HERC4: variants seen among roughly 807,000 people sequenced by gnomAD.
HERC4 encodes HECT and RLD domain containing E3 ubiquitin protein ligase 4.
A neutral mutation model predicts 124.3 loss-of-function variants in HERC4; 28 were observed. That is an observed-to-expected ratio of 0.23 (90% confidence interval 0.17 to 0.31). The LOEUF (loss-of-function observed/expected upper bound fraction) is 0.31. Among genes scored for constraint, HERC4 ranks in the 10% least tolerant of loss-of-function variants. HERC4 has a pLI of 1.00. For missense variants in HERC4, 713 were observed against 1,229.3 expected, an observed-to-expected ratio of 0.58 and a Z score of 6.28; for synonymous variants, 407 against 421.5, an observed-to-expected ratio of 0.97 and a Z score of 0.42.
chr10:67,926,539 A>C (rs2030994240), intron 23 of HERC4, among the ~76,000 whole-genome samples: 1 of 152,154 alleles, frequency 6.6e-6, no homozygotes, highest in Non-Finnish European at 1.5e-5. Context: ...TCAGTTCTTC[A>C]GATGCGTCAG....
At chr10:68,069,894 T>C (rs1652090642) in intron 3 of HERC4, 3 of 409,858 alleles carry the variant, frequency 7.3e-6, no homozygotes, top group Admixed American at 6.4e-5. Flanking sequence ...TATAAAAAAT[T>C]ACCCGGGCAT....
intron 19 of HERC4, among the ~76,000 whole-genome samples, chr10:67,952,265 C>T (rs2033844257): frequency 6.6e-6 from 1 of 152,148 alleles, no homozygotes; most frequent in Admixed American, 6.5e-5. Context: ...TCAACTGTTG[C>T]TCTTATCCTT....
intron 3 of HERC4, chr10:68,069,899 G>A (rs551250236): frequency 3.5e-5 from 14 of 400,850 alleles, no homozygotes; most frequent in African/African-American, 2.2e-4. Flanking sequence ...AAAATTACCC[G>A]GGCATGGTGG....
intron 4 of HERC4, chr10:68,039,430 AAG>A (rs765919324): frequency 2.6e-6 from 4 of 1,550,752 alleles, no homozygotes; most frequent in East Asian, 4.9e-5. Context: ...ATTCTGCCAT[AAG>A]AGAGTCCGGA....
At chr10:67,995,978 T>G (rs2036851075) in intron 9 of HERC4, 1 of 298,958 alleles carries the variant, frequency 3.3e-6, no homozygotes, top group Non-Finnish European at 6.6e-6. Flanking sequence ...TAATACATAC[T>G]TTTGCCACTC....
intron 3 of HERC4, among the ~76,000 whole-genome samples, chr10:68,049,387 G>A (rs1364762156): frequency 6.6e-6 from 1 of 151,856 alleles, no homozygotes; most frequent in African/African-American, 2.4e-5. Context: ...AGATAAGTCG[G>A]GCACAGTGGC....
Position 67,950,844 on chromosome 10 carries a change from C to T in HERC4, c.2337+3751G>A, listed in dbSNP as rs75749461. Among the ~76,000 whole-genome samples the T allele has an allele frequency of 4.1e-3, 624 of 152,272 alleles. 4 individuals carry two copies. Among genetic ancestry groups the T allele is most frequent in the African/African-American group, 0.014 (588 of 41,550 alleles). On this transcript the variant is annotated intron_variant, in intron 19 of 24. Transcript: ENST00000373700. ...GAACCCAGTAGAACTACTGACTCTC[C>T]GGAAGCAAGAAGTACTACACTTAGC...
chr10:68,040,977 T>A (rs919034444), intron 4 of HERC4, among the ~76,000 whole-genome samples: 5 of 151,708 alleles, frequency 3.3e-5, no homozygotes, highest in African/African-American at 1.2e-4. Flanking sequence ...CACACACACA[T>A]TGGAGATAAG....
chr10:68,012,577 T>C (rs777920833), intron 9 of HERC4, among the ~76,000 whole-genome samples: 1 of 152,192 alleles, frequency 6.6e-6, no homozygotes, highest in African/African-American at 2.4e-5. Flanking sequence ...ATTAGGTTTG[T>C]TGTCTTATAT....
chr10:67,936,821 C>T (rs1363745316), intron 21 of HERC4, among the ~76,000 whole-genome samples: 1 of 151,978 alleles, frequency 6.6e-6, no homozygotes, highest in Non-Finnish European at 1.5e-5. Flanking sequence ...GAATATTATC[C>T]TCTTTTATGA....
intron 23 of HERC4, among the ~76,000 whole-genome samples, chr10:67,931,455 G>A (rs2031796458): frequency 6.6e-6 from 1 of 151,862 alleles, no homozygotes; most frequent in African/African-American, 2.4e-5. Context: ...TTCAGCTTTG[G>A]CTAGGGCTTT....
intron 9 of HERC4, among the ~76,000 whole-genome samples, chr10:68,001,207 C>T (rs940177626): frequency 4.6e-5 from 7 of 151,560 alleles, no homozygotes; most frequent in Non-Finnish European, 8.8e-5. Context: ...CCCGTCTCTA[C>T]AAAAAAATTT....
intron 9 of HERC4, among the ~76,000 whole-genome samples, chr10:68,003,029 T>C (rs1384517896): frequency 6.6e-6 from 1 of 152,200 alleles, no homozygotes; most frequent in Admixed American, 6.5e-5. Context: ...CAAGCACTTA[T>C]CATTTCTTCG....
chr10:67,974,111 CACACACACAT>C (rs796535253), intron 15 of HERC4, among the ~76,000 whole-genome samples: 10,731 of 131,452 alleles, frequency 0.082, 927 homozygotes, highest in East Asian at 0.18. Flanking sequence ...CACACACACA[CACACACACAT>C]ACACACAGGG....
At position 68,025,557 on chromosome 10, in the gene HERC4, A is replaced by T. The variant is rs747005413; in HGVS notation, c.897T>A (p.Ile299=). Residue 299 remains isoleucine, a synonymous_variant, in exon 8 of 25, where the codon ATT becomes ATA. Coordinates refer to ENST00000373700, the MANE Select transcript of HERC4 (RefSeq NM_015601.4). ...ACATAACACCTTACCGTCCACAAGC[A>T]ATCTCAGTGACAATGCTTCCCATAA... ...FELMGSIVTE[I]ACGRQHTSAF... 2.5e-6 allele frequency: 4 copies of T among 1,613,298 alleles called. No individual in the cohort carries two copies. In the African/African-American group the frequency reaches 5.3e-5, roughly 22 times the overall value.
intron 11 of HERC4, among the ~76,000 whole-genome samples, chr10:67,991,617 C>T (rs180777722): frequency 3.3e-5 from 5 of 152,166 alleles, no homozygotes; most frequent in Admixed American, 3.3e-4. Context: ...AACAAAACAG[C>T]TTTTCAAATA....
chr10:67,990,766 C>A (rs2036509030), intron 13 of HERC4, 138 bp downstream of exon 13: 2 of 527,844 alleles, frequency 3.8e-6, no homozygotes, highest in Non-Finnish European at 6.5e-6. Context: ...ATTACAAATG[C>A]TTTAAAATAA....
intron 3 of HERC4, among the ~76,000 whole-genome samples, chr10:68,060,427 G>C (rs2040944775): frequency 6.6e-6 from 1 of 152,024 alleles, no homozygotes; most frequent in Admixed American, 6.6e-5. Flanking sequence ...TTTTAGTAGA[G>C]ATGGAGTTTC....
At chr10:68,040,962 A>G (rs1437324970) in intron 4 of HERC4, among the ~76,000 whole-genome samples, 1 of 151,996 alleles carries the variant, frequency 6.6e-6, no homozygotes, top group African/African-American at 2.4e-5. Flanking sequence ...AAAAAAATAT[A>G]TACACACACA....
Sources: allele counts gnomAD v4.1 joint callset (sites outside exome capture counted in the v4.1 genomes callset), GRCh38; gene constraint gnomAD v4.1.1; transcripts MANE v1.5; gene names NCBI Gene and HGNC (gene_info 2026-07-23, HGNC 2026-07-21).